The following GMPS variants were observed in gnomAD, a reference collection of about 807,000 sequenced individuals.
The protein encoded by GMPS is guanosine monophosphate synthase, also known as GMP synthase [glutamine-hydrolyzing].
In GMPS, 15 loss-of-function variants were observed where a neutral mutation model predicts 77.9. The ratio of observed to expected loss-of-function variants is 0.19; its 90% CI spans 0.13 to 0.30. The LOEUF (loss-of-function observed/expected upper bound fraction) is 0.30, where lower values mean the gene tolerates loss of function less well. Among genes scored for constraint, GMPS ranks in the 10% least tolerant of loss-of-function variants. The pLI is 1.00. For synonymous variants in GMPS, 224 were observed against 275.9 expected, an observed-to-expected ratio of 0.81 and a Z score of 1.86; for missense variants, 590 against 838.8, an observed-to-expected ratio of 0.70 and a Z score of 3.66.
intron 9 of GMPS, among the ~76,000 whole-genome samples, chr3:155,918,281 A>G (rs1012390845): frequency 1.3e-5 from 2 of 151,580 alleles, no homozygotes; most frequent in African/African-American, 4.8e-5. Flanking sequence ...GAAACCCTGT[A>G]TCTACTAAAA....
intron 9 of GMPS, among the ~76,000 whole-genome samples, chr3:155,917,340 T>A (rs1755206977): frequency 1.3e-5 from 2 of 152,170 alleles, no homozygotes; most frequent in African/African-American, 4.8e-5. Flanking sequence ...GTAAAACAGA[T>A]CTTCAGAACT....
At chr3:155,908,963 G>A (rs1172704006) in intron 5 of GMPS, among the ~76,000 whole-genome samples, 1 of 152,160 alleles carries the variant, frequency 6.6e-6, no homozygotes, top group Non-Finnish European at 1.5e-5. Flanking sequence ...TGAGGACTGA[G>A]TAACTTCCAT....
intron 1 of GMPS, among the ~76,000 whole-genome samples, chr3:155,871,447 C>T (rs575673906): frequency 4.6e-5 from 7 of 152,218 alleles, no homozygotes; most frequent in East Asian, 1.9e-4. Flanking sequence ...CCATTCCCCC[C>T]GCCAGCCTTG....
intron 13 of GMPS, among the ~76,000 whole-genome samples, chr3:155,932,439 C>T (rs904841642): frequency 3.3e-5 from 5 of 152,090 alleles, no homozygotes; most frequent in African/African-American, 9.7e-5. Flanking sequence ...AAAATAGTTA[C>T]ATTTAAATAT....
intron 1 of GMPS, among the ~76,000 whole-genome samples, chr3:155,877,355 A>AT (rs1046683314): frequency 1.3e-5 from 2 of 152,172 alleles, no homozygotes; most frequent in Admixed American, 6.5e-5. Context: ...TCCTAAAAAA[A>AT]TTTTTATAAC....
At chr3:155,914,281 G>A (rs1755114146) in intron 7 of GMPS, 138 bp from the exon 8 acceptor site, 3 of 508,806 alleles carry the variant, frequency 5.9e-6, no homozygotes, top group Admixed American at 8.4e-5. Context: ...ATTGAAATTT[G>A]TAGGCAGATT....
Position 155,941,631 on chromosome 3 carries a change from T to A in GMPS, c.*3939T>A, listed in dbSNP as rs1170760709. The A allele has an allele frequency of 4.5e-6, 1 of 221,722 alleles. No homozygotes were observed. The highest frequency in any genetic ancestry group is 9.0e-6 in the Non-Finnish European group (1 of 110,930). 13.7% of individuals were successfully genotyped at this position (221,722 alleles called of 1,614,324 possible). On this transcript the variant is annotated 3_prime_UTR_variant, in exon 16 of 16. Coordinates refer to ENST00000496455, the MANE Select transcript of GMPS (RefSeq NM_003875.3). ...GGACACGCCTTAGCTATCACCCCAA[T>A]GGATGCTTCTTTCATTGACCCAAAT...
Position 155,939,804 on chromosome 3 carries a change from C to T in GMPS, c.*2112C>T. ...ATTTAGCACACTGTCTTCTTTTGCA[C>T]AGCACTTTTTGCTTTGTGCCATATA... On this transcript the variant is annotated 3_prime_UTR_variant, in exon 16 of 16. Transcript: ENST00000496455. 5.0e-6 allele frequency: 1 copy of T among 199,330 alleles called. No individual in the cohort carries two copies. Among genetic ancestry groups the T allele is most frequent in the East Asian group, 7.8e-5 (1 of 12,872 alleles). 12.3% of individuals were successfully genotyped at this position (199,330 alleles called of 1,614,324 possible). A position where few individuals can be genotyped will look rare whatever the true frequency, so the allele number is the denominator to read the frequency against.
At chr3:155,895,248 C>T (rs1268021828) in intron 2 of GMPS, among the ~76,000 whole-genome samples, 2 of 152,066 alleles carry the variant, frequency 1.3e-5, no homozygotes, top group African/African-American at 2.4e-5. Flanking sequence ...TATTTGACCA[C>T]CCCTTTTCTA....
intron 11 of GMPS, among the ~76,000 whole-genome samples, chr3:155,923,254 C>T (rs1315046710): frequency 1.3e-5 from 2 of 151,232 alleles, no homozygotes; most frequent in African/African-American, 2.4e-5. Flanking sequence ...AATTAATGAA[C>T]TAAAAGAAAG....
rs761999770 is a variant in GMPS, at chr3:155,906,273, C to G, written c.526+10C>G. 40 of 1,577,542 alleles carry G rather than the reference C, an allele frequency of 2.5e-5. No individual in the cohort carries two copies. Among genetic ancestry groups the G allele is most frequent in the Non-Finnish European group, 3.1e-5 (36 of 1,151,260 alleles). On this transcript the variant is annotated intron_variant, in intron 5 of 15. Transcript: ENST00000496455. ...GGAAACATAGTAGCAGGTGAAAATT[C>G]TAAAAATTTTGCAGAGTTCATTTAA...
At position 155,939,421 on chromosome 3, in the gene GMPS, A is replaced by G. The variant is rs531104604; in HGVS notation, c.*1729A>G. ...AGCAAACAGTAGGAATTTTGGAAAA[A>G]TAGAGAGTAAGAATGTGTGTTCTAT... On this transcript the variant is annotated 3_prime_UTR_variant, in exon 16 of 16. Coordinates refer to ENST00000496455, the MANE Select transcript of GMPS (RefSeq NM_003875.3). 34 of 204,906 alleles carry G rather than the reference A, an allele frequency of 1.7e-4. No homozygotes were observed. In the South Asian group the frequency reaches 5.7e-3, roughly 34 times the overall value. The allele number at this position is 204,906 out of a possible 1,614,324, so 12.7% of individuals were successfully genotyped here. A position where few individuals can be genotyped will look rare whatever the true frequency, so the allele number is the denominator to read the frequency against.
chr3:155,912,412 T>C (rs952624077), intron 7 of GMPS, among the ~76,000 whole-genome samples: 5 of 152,256 alleles, frequency 3.3e-5, no homozygotes, highest in African/African-American at 9.6e-5. Flanking sequence ...CCCAATGGTA[T>C]CTTCACATGG....
chr3:155,943,188 G>A lies in GMPS; in HGVS notation c.*5496G>A, dbSNP rs530436481. 1.4e-4 allele frequency: 25 copies of A among 178,190 alleles called. No individual in the cohort carries two copies. Among genetic ancestry groups the A allele is most frequent in the African/African-American group, 5.7e-4 (24 of 42,378 alleles). 11.0% of individuals were successfully genotyped at this position (178,190 alleles called of 1,614,324 possible). ...GGAGGTTGCAGTGAGCAGAGATTGC[G>A]CCACTGCACTCCAGCCTAGGTGACA... On this transcript the variant is annotated 3_prime_UTR_variant, in exon 16 of 16. Coordinates refer to ENST00000496455, the MANE Select transcript of GMPS (RefSeq NM_003875.3).
At chr3:155,871,036 G>A in intron 1 of GMPS, 139 bp downstream of exon 1, 1 of 697,448 alleles carries the variant, frequency 1.4e-6, no homozygotes, top group Non-Finnish European at 2.1e-6. Flanking sequence ...GCCACGCGTC[G>A]TAGAGTCCCT....
Position 155,927,787 on chromosome 3 carries a change from G to A in GMPS, c.1560+2421G>A, listed in dbSNP as rs558775521. On this transcript the variant is annotated intron_variant, in intron 12 of 15. Coordinates refer to ENST00000496455, the MANE Select transcript of GMPS (RefSeq NM_003875.3). ...AAGAAAATAAAAGAGGGGATTTGGGGTACACATTGTCAACTTTTTTCTTTT... is the reference window on the plus strand; with the variant it reads ...AAGAAAATAAAAGAGGGGATTTGGGATACACATTGTCAACTTTTTTCTTTT... 1.1e-3 allele frequency among the ~76,000 whole-genome samples: 174 copies of A among 152,186 alleles called. 1 individual carries two copies. The highest frequency in any genetic ancestry group is 3.3e-3 in the African/African-American group (137 of 41,534).
Position 155,936,404 on chromosome 3 carries a change from T to G in GMPS, c.1874T>G (p.Leu625Arg), listed in dbSNP as rs769173664. ...LTPLHFDRDPLQKQPSCQRSV... is the reference protein window; with the variant it reads ...LTPLHFDRDPRQKQPSCQRSV... ...CCATTACATTTTGATCGGGACCCACTTCAAAAGCAGCCTTCATGCCAGAGA... is the reference window on the plus strand; with the variant it reads ...CCATTACATTTTGATCGGGACCCACGTCAAAAGCAGCCTTCATGCCAGAGA... Residue 625 changes from leucine to arginine, a missense_variant, in exon 15 of 16, where the codon CTT (leucine) becomes CGT (arginine). Leu to Arg is a moderately radical substitution (Grantham distance 102). This residue lies in a region of GMPS where 73 missense variants were observed against 170.5 expected (regional missense o/e 0.43). Coordinates refer to ENST00000496455, the MANE Select transcript of GMPS (RefSeq NM_003875.3). The G allele has an allele frequency of 6.2e-7, 1 of 1,609,200 alleles. No homozygotes were observed. Among genetic ancestry groups the G allele is most frequent in the Non-Finnish European group, 8.5e-7 (1 of 1,176,178 alleles).
At chr3:155,895,296 A>AT (rs1432219738) in intron 2 of GMPS, 2 of 150,526 alleles carry the variant, frequency 1.3e-5, no homozygotes, top group African/African-American at 4.9e-5. Context: ...TAACCTACCT[A>AT]TTTTTATTTT....
chr3:155,896,349 C>A lies in GMPS; in HGVS notation c.210-1578C>A, dbSNP rs117372092. The stretch of plus-strand genomic sequence containing the variant: ...TTAAGGAGTTAGGTTATAGATCTAC[C>A]CTTAGGGGTAACCCCATCCCCCTTT... On this transcript the variant is annotated intron_variant, in intron 2 of 15. Coordinates refer to ENST00000496455, the MANE Select transcript of GMPS (RefSeq NM_003875.3). 2.5e-3 allele frequency among the ~76,000 whole-genome samples: 387 copies of A among 151,874 alleles called. 6 individuals carry two copies. In the East Asian group the frequency reaches 0.031, roughly 12 times the overall value.
Sources: gnomAD v4.1 joint callset for allele counts (sites outside exome capture counted in the v4.1 genomes callset) on GRCh38, gnomAD v4.1.1 for gene constraint, gnomAD v4.1.1 regional missense constraint, MANE v1.5 for transcripts, NCBI Gene and HGNC (gene_info 2026-07-23, HGNC 2026-07-21) for gene names.